The following TTYH3 variants were observed in gnomAD, a reference collection of about 807,000 sequenced individuals.
TTYH3 encodes protein tweety homolog 3.
Under a neutral mutation model 68.2 loss-of-function variants are expected in TTYH3, and 23 were observed. That is an observed-to-expected ratio of 0.34 (90% CI 0.24 to 0.48). The LOEUF is 0.48. TTYH3 is among the 20% of genes least tolerant of loss of function. The pLI, the probability that TTYH3 is intolerant of heterozygous loss-of-function variation, is 0.99. For synonymous variants in TTYH3, 360 were observed against 332.8 expected (o/e 1.08, Z -0.89); for missense variants, 768 against 727.7 (o/e 1.06, Z -0.64).
At chr7:2,641,679 A>C (rs1785850471) in intron 1 of TTYH3, among the ~76,000 whole-genome samples, 1 of 152,250 alleles carries the variant, frequency 6.6e-6, no homozygotes, top group Non-Finnish European at 1.5e-5. Context: ...AGGGGCCGCC[A>C]GCCCGGTGGA....
intron 1 of TTYH3, among the ~76,000 whole-genome samples, chr7:2,642,564 GAAAGAA>G (rs1352576885): frequency 1.5e-5 from 2 of 136,630 alleles, no homozygotes; most frequent in Non-Finnish European, 3.2e-5. Context: ...AAAAAAGAAA[GAAAGAA>G]AAAGAAAATT....
In TTYH3 at chr7:2,647,027, G is replaced by A; in HGVS notation, c.293+5G>A. ...CATCGCCACGCTGGTGTGCAGGTGA[G>A]CGCGGTGGGGCGGGGACGGAGGGCG... On this transcript the variant is annotated splice_donor_5th_base_variant and intron_variant, in intron 2 of 13. Transcript: ENST00000258796. 6.5e-7 allele frequency: 1 copy of A among 1,548,356 alleles called. No homozygotes were observed.
intron 13 of TTYH3, among the ~76,000 whole-genome samples, chr7:2,660,969 C>T (rs1032552040): frequency 3.9e-5 from 6 of 152,210 alleles, no homozygotes; most frequent in Non-Finnish European, 7.4e-5. Flanking sequence ...AGGGCACCCA[C>T]GAGGTGCAGG....
In TTYH3 at chr7:2,658,381, G is replaced by A; in HGVS notation, c.1346G>A (p.Cys449Tyr). 1 of 1,612,018 alleles carries A rather than the reference G, an allele frequency of 6.2e-7. No individual in the cohort carries two copies. Among genetic ancestry groups the A allele is most frequent in the Non-Finnish European group, 8.5e-7 (1 of 1,179,726 alleles). The stretch of plus-strand genomic sequence containing the variant: ...GTCCACATGCCCAGCCTGTACAGCT[G>A]TGGCAGCAGCTACGGCAGTGAGACC... Reference protein sequence around the residue: ...YRVHMPSLYSCGSSYGSETSI... With the variant: ...YRVHMPSLYSYGSSYGSETSI... The change falls in exon 12 of 14, where the codon TGT (cysteine) becomes TAT (tyrosine). Residue 449 changes from cysteine (C) to tyrosine (Y), a missense_variant. By Grantham distance (194) the Cys-to-Tyr change is radical. Coordinates refer to ENST00000258796, the MANE Select transcript of TTYH3 (RefSeq NM_025250.3).
Position 2,656,387 on chromosome 7 carries a change from C to T in TTYH3, c.1114-11C>T. 6.2e-7 allele frequency: 1 copy of T among 1,604,208 alleles called. No individual in the cohort carries two copies. Among genetic ancestry groups the T allele is most frequent in the Non-Finnish European group, 8.5e-7 (1 of 1,175,940 alleles). ...GTCTCTGGATCCTGCCATCTCATCC[C>T]ACGGCCTCAGGACTACGTGCAAGCG... is the stretch of plus-strand genomic sequence containing the variant. On this transcript the variant is annotated splice_polypyrimidine_tract_variant and intron_variant, in intron 10 of 13. Coordinates refer to ENST00000258796, the MANE Select transcript of TTYH3 (RefSeq NM_025250.3).
chr7:2,661,007 C>T (rs750494108), intron 13 of TTYH3, among the ~76,000 whole-genome samples: 1 of 152,222 alleles, frequency 6.6e-6, no homozygotes, highest in African/African-American at 2.4e-5. Flanking sequence ...CACAGGACAG[C>T]GCCCCCTGCA....
chr7:2,633,547 T>TA (rs982878352), intron 1 of TTYH3, among the ~76,000 whole-genome samples: 2 of 152,170 alleles, frequency 1.3e-5, no homozygotes, highest in African/African-American at 4.8e-5. Context: ...AGGATTGGTA[T>TA]AAAATCTCAC....
chr7:2,641,808 C>T (rs530791602), intron 1 of TTYH3, among the ~76,000 whole-genome samples: 1 of 152,244 alleles, frequency 6.6e-6, no homozygotes, highest in African/African-American at 2.4e-5. Context: ...GGCACGCTCC[C>T]CGCAGACAGC....
At position 2,645,597 on chromosome 7, in the gene TTYH3, T is replaced by C; in HGVS notation, c.124-1256T>C. On this transcript the variant is annotated intron_variant, in intron 1 of 13. Coordinates refer to ENST00000258796, the MANE Select transcript of TTYH3 (RefSeq NM_025250.3). This position sits in a 1 kb window ranked among gnomAD's most constrained non-coding sequence, Gnocchi z 4.8. ...CCGTGCTTGGAGCCAGACAGGGCTG[T>C]GTGTCCGATGGGGCGCCTGTATGCA... 2.8e-6 allele frequency: 1 copy of C among 355,802 alleles called. No homozygotes were observed. The highest frequency in any genetic ancestry group is 5.7e-6 in the Non-Finnish European group (1 of 175,660). The allele number at this position is 355,802 out of a possible 1,614,324, so 22.0% of individuals were successfully genotyped here. A position where few individuals can be genotyped will look rare whatever the true frequency, so the allele number is the denominator to read the frequency against.
chr7:2,648,872 G>A (rs913079485), intron 5 of TTYH3, among the ~76,000 whole-genome samples: 1 of 151,470 alleles, frequency 6.6e-6, no homozygotes, highest in Non-Finnish European at 1.5e-5. Flanking sequence ...AGTGTGCAGT[G>A]GGTTGTGGGG....
chr7:2,659,137 C>A, intron 13 of TTYH3, 122 bp downstream of exon 13: 1 of 970,722 alleles, frequency 1.0e-6, no homozygotes, highest in Non-Finnish European at 1.6e-6. Flanking sequence ...CAGCTGTGAG[C>A]TGCCACCACC....
chr7:2,655,168 A>T (rs144297879), intron 9 of TTYH3, among the ~76,000 whole-genome samples: 2 of 151,562 alleles, frequency 1.3e-5, no homozygotes, highest in African/African-American at 4.9e-5. Flanking sequence ...TGTTTTTGAG[A>T]TAGGGTCTTA....
rs549345858 is a variant in TTYH3 at position 2,654,859 on chromosome 7, A to G, written c.1021-1233A>G. Among the ~76,000 whole-genome samples the G allele has an allele frequency of 4.6e-5, 7 of 152,196 alleles. No individual in the cohort carries two copies. The East Asian group carries it at 1.4e-3, about 29-fold the overall frequency. On this transcript the variant is annotated intron_variant, in intron 9 of 13. Coordinates refer to ENST00000258796, the MANE Select transcript of TTYH3 (RefSeq NM_025250.3). ...GAGTGCAGTGGCGCAATCTCGGCTC[A>G]CCGCAACCTCTGCCTTCTGGGTTCC... is the stretch of plus-strand genomic sequence containing the variant.
chr7:2,649,530 T>C, intron 5 of TTYH3, 37 bp from the exon 6 acceptor site: 1 of 1,547,168 alleles, frequency 6.5e-7, no homozygotes, highest in Non-Finnish European at 8.7e-7. Context: ...GCCCCCACCC[T>C]GGCCTGGGGG....
chr7:2,662,175 TGGCC>T lies in TTYH3; in HGVS notation c.*437_*440del. On this transcript the variant is annotated 3_prime_UTR_variant, in exon 14 of 14. Coordinates refer to ENST00000258796, the MANE Select transcript of TTYH3 (RefSeq NM_025250.3). ...GGGGCCGCTCTGTGCTGGCGCCTGC[TGGCC>T]ACTGAGGGACAGGGACACGTGCCAC... 3.3e-6 allele frequency: 1 copy of T among 305,178 alleles called. No homozygotes were observed. Among genetic ancestry groups the T allele is most frequent in the Non-Finnish European group, 6.3e-6 (1 of 159,622 alleles). 18.9% of individuals were successfully genotyped at this position (305,178 alleles called of 1,614,324 possible).
intron 10 of TTYH3, 34 bp from the exon 11 acceptor site, chr7:2,656,364 C>G (rs1786334717): frequency 3.1e-6 from 5 of 1,598,384 alleles, no homozygotes; most frequent in Non-Finnish European, 4.3e-6. Context: ...CCCTCCCTGT[C>G]TCTGGATCCT....
chr7:2,661,483 G>A (rs1346558247), intron 13 of TTYH3, among the ~76,000 whole-genome samples, 185 bp from the exon 14 acceptor site: 2 of 152,134 alleles, frequency 1.3e-5, no homozygotes, highest in Non-Finnish European at 2.9e-5. Flanking sequence ...GACCTAGAGC[G>A]CAGGGGCCCC....
intron 11 of TTYH3, 137 bp from the exon 12 acceptor site, chr7:2,658,148 TC>T: frequency 1.2e-6 from 1 of 857,050 alleles, no homozygotes. Flanking sequence ...CTGCCCACAG[TC>T]CCACATGGAG....
In TTYH3 at chr7:2,652,957, G is replaced by C. The variant is rs1562716593; in HGVS notation, c.967G>C (p.Asp323His). ...GSHKALVEMQDVVAELLRTVP... is the reference protein window; with the variant it reads ...GSHKALVEMQHVVAELLRTVP... ...CCACAAGGCACTGGTGGAGATGCAG[G>C]ATGTCGTGGCTGAGCTTCTGAGGAC... is the stretch of plus-strand genomic sequence containing the variant. Residue 323 changes from aspartate to histidine, a missense_variant, in exon 9 of 14, where the codon GAT becomes CAT. Coordinates refer to ENST00000258796, the MANE Select transcript of TTYH3 (RefSeq NM_025250.3). 6.3e-7 allele frequency: 1 copy of C among 1,576,884 alleles called. No homozygotes were observed. Among genetic ancestry groups the C allele is most frequent in the Non-Finnish European group, 8.6e-7 (1 of 1,161,732 alleles).
Sources: gnomAD v4.1 joint callset for allele counts (sites outside exome capture counted in the v4.1 genomes callset) on GRCh38, gnomAD v4.1.1 for gene constraint, Gnocchi (gnomAD v3.1) non-coding constraint, MANE v1.5 for transcripts, NCBI Gene and HGNC (gene_info 2026-07-23, HGNC 2026-07-21) for gene names.